UBAC2: variants seen among roughly 807,000 people sequenced by gnomAD.
UBAC2 encodes ubiquitin-associated domain-containing protein 2.
UBAC2 carries 26 observed loss-of-function variants against 44.0 expected under a neutral mutation model. The ratio of observed to expected loss-of-function variants is 0.59; its 90% CI spans 0.43 to 0.82. The LOEUF (loss-of-function observed/expected upper bound fraction) is 0.82. Ranked by LOEUF, UBAC2 falls within the 40% of genes least tolerant of loss-of-function variation. The pLI is 0.00. For missense variants in UBAC2, 329 were observed against 419.4 expected, an observed-to-expected ratio of 0.78 and a Z score of 1.88; for synonymous variants, 155 against 154.3, an observed-to-expected ratio of 1.00 and a Z score of -0.04.
At position 99,295,896 on chromosome 13, in the gene UBAC2, A is replaced by G; in HGVS notation, c.390-18201A>G. On this transcript the variant is annotated intron_variant, in intron 4 of 8. Transcript: ENST00000403766. The surrounding 1 kb of genome is among the most constrained non-coding windows in gnomAD (Gnocchi z 4.1). Reference sequence around the variant, plus strand: ...GCATAGTAGGCTATTCGTGTAGGCAAAGCGGTGGTAAAAAGTATATCAGAA... The same window carrying G: ...GCATAGTAGGCTATTCGTGTAGGCAGAGCGGTGGTAAAAAGTATATCAGAA... The G allele has an allele frequency of 6.2e-7, 1 of 1,612,844 alleles. No homozygotes were observed. Among genetic ancestry groups the G allele is most frequent in the East Asian group, 2.2e-5 (1 of 44,878 alleles).
chr13:99,359,784 C>T lies in UBAC2; in HGVS notation c.808-8003C>T, dbSNP rs78657815. Among the ~76,000 whole-genome samples, 1,405 of 152,336 alleles carry T rather than the reference C, an allele frequency of 9.2e-3. 28 individuals carry two copies. The highest frequency in any genetic ancestry group is 0.032 in the African/African-American group (1,337 of 41,570). Reference sequence around the variant, plus strand: ...CTTGTGTGGGCCCTGCCTCGCCTCCCGTGTGCCCAAGCACAGCACCCCTAA... The same window carrying T: ...CTTGTGTGGGCCCTGCCTCGCCTCCTGTGTGCCCAAGCACAGCACCCCTAA... On this transcript the variant is annotated intron_variant, in intron 7 of 8. Transcript: ENST00000403766.
intron 1 of UBAC2, chr13:99,201,609 C>T (rs2042801203): frequency 1.9e-6 from 3 of 1,608,014 alleles, no homozygotes; most frequent in African/African-American, 1.3e-5. Flanking sequence ...AACGGCTTTT[C>T]TCACTGAGTG....
intron 7 of UBAC2, among the ~76,000 whole-genome samples, chr13:99,349,469 A>G (rs919688569): frequency 2.6e-5 from 4 of 152,166 alleles, no homozygotes; most frequent in Admixed American, 2.6e-4. Flanking sequence ...TGCCATCAAG[A>G]TGCGGAGACC....
At chr13:99,252,079 G>A (rs1330223351) in intron 4 of UBAC2, among the ~76,000 whole-genome samples, 1 of 152,200 alleles carries the variant, frequency 6.6e-6, no homozygotes, top group Non-Finnish European at 1.5e-5. Context: ...TCCTTTCAGA[G>A]TCCTCCTCAT....
intron 1 of UBAC2, chr13:99,215,625 CTG>C: frequency 7.5e-7 from 1 of 1,326,502 alleles, no homozygotes; most frequent in Non-Finnish European, 1.1e-6. Flanking sequence ...ACCCACATGT[CTG>C]TGACCCGTCG....
intron 1 of UBAC2, among the ~76,000 whole-genome samples, chr13:99,228,373 C>T (rs1449749474): frequency 2.6e-5 from 4 of 151,872 alleles, no homozygotes; most frequent in African/African-American, 9.7e-5. Context: ...CTGCAACCTC[C>T]ACCTCCTGGG....
chr13:99,234,141 A>G (rs990077060), intron 1 of UBAC2, among the ~76,000 whole-genome samples: 4 of 144,886 alleles, frequency 2.8e-5, no homozygotes, highest in Non-Finnish European at 4.5e-5. Context: ...CTGAGTCTCC[A>G]TCATGGGCCG....
intron 4 of UBAC2, among the ~76,000 whole-genome samples, chr13:99,293,190 G>A (rs1300481274): frequency 2.6e-5 from 4 of 152,168 alleles, no homozygotes; most frequent in Admixed American, 2.6e-4. Flanking sequence ...ATAGATTTGT[G>A]GTATAGTGGA....
At chr13:99,292,200 A>G (rs948798308) in intron 4 of UBAC2, among the ~76,000 whole-genome samples, 25 of 151,232 alleles carry the variant, frequency 1.7e-4, no homozygotes, top group African/African-American at 3.4e-4. Context: ...CAGTGGTGCA[A>G]TCTCTGCTCA....
chr13:99,303,014 C>T (rs1037220459), intron 4 of UBAC2, among the ~76,000 whole-genome samples: 16 of 372 alleles, frequency 0.043, no homozygotes, highest in Non-Finnish European at 0.068. Flanking sequence ...ACCTCCCCTG[C>T]CTCCTGGGGG....
intron 4 of UBAC2, among the ~76,000 whole-genome samples, chr13:99,284,600 A>G (rs921205878): frequency 6.6e-6 from 1 of 152,230 alleles, no homozygotes; most frequent in Admixed American, 6.5e-5. Flanking sequence ...TACCATGAGT[A>G]TGTATTACTT....
chr13:99,313,441 T>C (rs1410494512), intron 4 of UBAC2: 2 of 152,124 alleles, frequency 1.3e-5, no homozygotes, highest in African/African-American at 4.8e-5. Flanking sequence ...AGGTGTCAAA[T>C]TGACATTCAG....
At chr13:99,326,932 C>T (rs2044647660) in intron 6 of UBAC2, among the ~76,000 whole-genome samples, 1 of 152,178 alleles carries the variant, frequency 6.6e-6, no homozygotes. Flanking sequence ...TCAAAGTCCC[C>T]AGAGGCCCTG....
At chr13:99,248,206 G>T (rs1448771839) in intron 4 of UBAC2, among the ~76,000 whole-genome samples, 1 of 151,980 alleles carries the variant, frequency 6.6e-6, no homozygotes, top group Non-Finnish European at 1.5e-5. Flanking sequence ...TATTTCTTGA[G>T]TCTTATTTCC....
At chr13:99,353,897 C>T (rs2045135520) in intron 7 of UBAC2, among the ~76,000 whole-genome samples, 1 of 152,166 alleles carries the variant, frequency 6.6e-6, no homozygotes, top group South Asian at 2.1e-4. Flanking sequence ...CTGTGGTTGA[C>T]AGACGTGGTT....
At chr13:99,247,343 T>A (rs916523575) in intron 4 of UBAC2, among the ~76,000 whole-genome samples, 5 of 151,460 alleles carry the variant, frequency 3.3e-5, no homozygotes, top group African/African-American at 1.2e-4. Context: ...GCCTCCCGAG[T>A]AGCTGGGACT....
At chr13:99,231,406 A>ATTTTTTTTTTTTT in intron 1 of UBAC2, 1 of 71,956 alleles carries the variant, frequency 1.4e-5, no homozygotes, top group Non-Finnish European at 2.5e-5. Context: ...TGCTGTATAC[A>ATTTTTTTTTTTTT]TTTTTTTTTT....
At chr13:99,376,994 C>T (rs944857991) in intron 8 of UBAC2, 2 of 152,378 alleles carry the variant, frequency 1.3e-5, no homozygotes, top group Admixed American at 6.5e-5. Context: ...CGCCTCGCCT[C>T]GCCTCACCAT....
intron 6 of UBAC2, among the ~76,000 whole-genome samples, chr13:99,336,202 C>A (rs1380917028): frequency 6.6e-6 from 1 of 152,158 alleles, no homozygotes; most frequent in Non-Finnish European, 1.5e-5. Context: ...CTTTCTTACA[C>A]ATTCCTAGGG....
Sources: gnomAD v4.1 joint callset for allele counts (sites outside exome capture counted in the v4.1 genomes callset) on GRCh38, gnomAD v4.1.1 for gene constraint, Gnocchi (gnomAD v3.1) non-coding constraint, MANE v1.5 for transcripts, NCBI Gene and HGNC (gene_info 2026-07-23, HGNC 2026-07-21) for gene names.